Variants in IGF2R observed in about 807,000 individuals in gnomAD.
The protein encoded by IGF2R is cation-independent mannose-6-phosphate receptor.
IGF2R carries 91 observed loss-of-function variants against 270.6 expected under a neutral mutation model. That is an observed-to-expected ratio of 0.34 (90% CI 0.28 to 0.40). IGF2R has a LOEUF of 0.40. Among genes scored for constraint, IGF2R ranks in the 10% least tolerant of loss-of-function variants. IGF2R has a pLI of 1.00. For missense variants in IGF2R, 2,805 were observed against 3,188.3 expected (o/e 0.88, Z 2.90); for synonymous variants, 1,316 against 1,258.9 (o/e 1.05, Z -0.96).
Position 160,050,589 on chromosome 6 carries a change from C to G in IGF2R, c.2631C>G (p.Thr877=), listed in dbSNP as rs756119027. The G allele has an allele frequency of 1.2e-6, 2 of 1,614,116 alleles. No individual in the cohort carries two copies. The highest frequency in any genetic ancestry group is 2.2e-5 in the South Asian group (2 of 91,080). Residue 877 remains threonine, a synonymous_variant, in exon 19 of 48, where the codon ACC becomes ACG. Transcript: ENST00000356956. This position sits in a 1 kb window ranked among gnomAD's most constrained non-coding sequence, Gnocchi z 4.0. ...ACGTGAATGGGTCGGCCTGCACCAC[C>G]AGCGATGGCAGACAGACCACATATA... ...LEYVNGSACT[T]SDGRQTTYTT... is the part of the protein sequence containing the mutation.
At chr6:160,034,575 T>C (rs1562351245) in intron 10 of IGF2R, 53 bp downstream of exon 10, 1 of 1,166,390 alleles carries the variant, frequency 8.6e-7, no homozygotes, top group Non-Finnish European at 1.3e-6. Flanking sequence ...GGGCATGTGC[T>C]TGTGTGTGTG....
At chr6:160,087,862 G>A (rs1358595540) in intron 41 of IGF2R, among the ~76,000 whole-genome samples, 171 bp from the exon 42 acceptor site, 1 of 152,184 alleles carries the variant, frequency 6.6e-6, no homozygotes, top group Non-Finnish European at 1.5e-5. Context: ...TTTTAGTAGA[G>A]ACGGGGTTTC....
rs561706943 is a variant in IGF2R at position 160,007,973 on chromosome 6, G to A, written c.290-1037G>A. On this transcript the variant is annotated intron_variant, in intron 2 of 47. Coordinates refer to ENST00000356956, the MANE Select transcript of IGF2R (RefSeq NM_000876.4). ...TACATCTTTAATCCATTTAGACAGG[G>A]GTGTCCAATCTTTTGGCTTCCCTAG... is the stretch of plus-strand genomic sequence containing the variant. Among the ~76,000 whole-genome samples the A allele has an allele frequency of 1.4e-4, 22 of 152,136 alleles. No homozygotes were observed. The East Asian group carries it at 4.0e-3, about 28-fold the overall frequency.
Position 160,090,098 on chromosome 6 carries a change from T to C in IGF2R, c.6650T>C (p.Leu2217Pro), listed in dbSNP as rs1008983189. The C allele has an allele frequency of 6.7e-7, 1 of 1,485,928 alleles. No homozygotes were observed. The highest frequency in any genetic ancestry group is 9.0e-7 in the Non-Finnish European group (1 of 1,110,630). The allele number at this position is 1,485,928 out of a possible 1,614,324, so 92.0% of individuals were successfully genotyped here. A position where few individuals can be genotyped will look rare whatever the true frequency, so the allele number is the denominator to read the frequency against. ...ACCTCTGACAAGACCAAGTACTACC[T>C]TCAAGGTAATCCGTGGCTTCCCACA... ...VGTSDKTKYY[L>P]QDGDLDVVFA... The change falls in exon 44 of 48, where the codon CTT becomes CCT. Residue 2217 changes from leucine to proline, a missense_variant. This residue lies in a region of IGF2R where 1,851 missense variants were observed against 2,207.2 expected (regional missense o/e 0.84). Transcript: ENST00000356956.
intron 5 of IGF2R, 141 bp from the exon 6 acceptor site, chr6:160,027,044 G>A (rs1583267595): frequency 1.1e-6 from 1 of 881,432 alleles, no homozygotes; most frequent in East Asian, 2.6e-5. Flanking sequence ...AGGGTTAATG[G>A]CTTGCCCAAG....
Position 160,060,736 on chromosome 6 carries a change from AGAACT to A in IGF2R, c.3262+22_3262+26del. The A allele has an allele frequency of 1.2e-6, 2 of 1,613,332 alleles. No individual in the cohort carries two copies. Among genetic ancestry groups the A allele is most frequent in the Non-Finnish European group, 1.7e-6 (2 of 1,179,318 alleles). On this transcript the variant is annotated intron_variant, in intron 23 of 47. Coordinates refer to ENST00000356956, the MANE Select transcript of IGF2R (RefSeq NM_000876.4). ...GTCACCGGTAAGGCCGTGCGGCCTA[AGAACT>A]GAGAGGCCGGTCAAGAGTCAGTGTG... is the stretch of plus-strand genomic sequence containing the variant.
At chr6:160,013,570 T>C (rs1784372669) in intron 4 of IGF2R, among the ~76,000 whole-genome samples, 2 of 152,210 alleles carry the variant, frequency 1.3e-5, no homozygotes, top group African/African-American at 2.4e-5. Flanking sequence ...CTTTGTACTC[T>C]CTTACCTCTT....
At chr6:160,096,661 C>T (rs377521977) in intron 45 of IGF2R, 36 bp downstream of exon 45, 6 of 1,501,260 alleles carry the variant, frequency 4.0e-6, no homozygotes, top group Middle Eastern at 1.7e-4. Flanking sequence ...CACTTGTACC[C>T]CACATCTTCC....
At position 160,072,080 on chromosome 6, in the gene IGF2R, C is replaced by T. The variant is rs370032891; in HGVS notation, c.4570+44C>T. 6.0e-5 allele frequency: 96 copies of T among 1,611,072 alleles called. No individual in the cohort carries two copies. In the African/African-American group the frequency reaches 7.9e-4, roughly 13 times the overall value. ...CGTTAACCCCAGCGCAGGTGAGAGA[C>T]GGTGCCCCCACCAAACCCAGCTCAT... On this transcript the variant is annotated intron_variant, in intron 32 of 47. Coordinates refer to ENST00000356956, the MANE Select transcript of IGF2R (RefSeq NM_000876.4).
At position 160,111,247 on chromosome 6, in the gene IGF2R, T is replaced by C. The variant is rs74996634; in HGVS notation, c.*6163T>C. The C allele has an allele frequency of 6.6e-6, 1 of 151,952 alleles. No homozygotes were observed. Among genetic ancestry groups the C allele is most frequent in the Non-Finnish European group, 1.5e-5 (1 of 67,998 alleles). The allele number at this position is 151,952 out of a possible 1,614,324, so 9.4% of individuals were successfully genotyped here. A position where few individuals can be genotyped will look rare whatever the true frequency, so the allele number is the denominator to read the frequency against. ...GTCCACTTACATGCGGTTTTTTTTT[T>C]CTGTAAAAGTTACACCCGATGCGTC... On this transcript the variant is annotated 3_prime_UTR_variant, in exon 48 of 48. Coordinates refer to ENST00000356956, the MANE Select transcript of IGF2R (RefSeq NM_000876.4).
chr6:159,988,357 T>C (rs1783921673), intron 1 of IGF2R, among the ~76,000 whole-genome samples: 1 of 151,572 alleles, frequency 6.6e-6, no homozygotes, highest in Non-Finnish European at 1.5e-5. Flanking sequence ...CTACTAAAAA[T>C]ACAAAACATT....
At chr6:160,057,423 A>G (rs1445985565) in intron 20 of IGF2R, among the ~76,000 whole-genome samples, 3 of 152,192 alleles carry the variant, frequency 2.0e-5, no homozygotes, top group Non-Finnish European at 4.4e-5. Context: ...GCAGAGACCA[A>G]GGCTTTTCCA....
intron 19 of IGF2R, among the ~76,000 whole-genome samples, chr6:160,055,581 A>G (rs188387448): frequency 4.8e-4 from 73 of 152,058 alleles, no homozygotes; most frequent in Middle Eastern, 6.8e-3. Context: ...TGAGGCCTGG[A>G]GTGGGTGGGG....
rs2114743518 is a variant in IGF2R at position 160,102,076 on chromosome 6, A to C, written c.6843-443A>C. Reference sequence around the variant, plus strand: ...GGCCCCCTGGGCCCCTTTCGTGTGGAGATGGTGTCTCATGGTGGGCTGCGC... The same window carrying C: ...GGCCCCCTGGGCCCCTTTCGTGTGGCGATGGTGTCTCATGGTGGGCTGCGC... On this transcript the variant is annotated intron_variant, in intron 45 of 47. Coordinates refer to ENST00000356956, the MANE Select transcript of IGF2R (RefSeq NM_000876.4). The surrounding 1 kb of genome is among the most constrained non-coding windows in gnomAD (Gnocchi z 4.5). 6.6e-6 allele frequency among the ~76,000 whole-genome samples: 1 copy of C among 152,154 alleles called. No individual in the cohort carries two copies. The highest frequency in any genetic ancestry group is 1.9e-4 in the East Asian group (1 of 5,158).
chr6:159,976,059 T>C (rs1203910610), intron 1 of IGF2R, among the ~76,000 whole-genome samples: 1 of 151,992 alleles, frequency 6.6e-6, no homozygotes, highest in African/African-American at 2.4e-5. Context: ...AGTTTGTATA[T>C]AAGATGGACA....
At chr6:159,973,536 A>G (rs558992048) in intron 1 of IGF2R, among the ~76,000 whole-genome samples, 1 of 152,248 alleles carries the variant, frequency 6.6e-6, no homozygotes, top group East Asian at 1.9e-4. Flanking sequence ...GTCTCTAAGG[A>G]GATTTTTTTT....
chr6:160,028,910 A>G (rs1266016759), intron 6 of IGF2R, among the ~76,000 whole-genome samples: 1 of 151,666 alleles, frequency 6.6e-6, no homozygotes, highest in Non-Finnish European at 1.5e-5. Context: ...CCTTTTTTTA[A>G]AAAAAATAAT....
At chr6:160,071,247 C>A (rs1778726203) in intron 31 of IGF2R, among the ~76,000 whole-genome samples, 1 of 127,190 alleles carries the variant, frequency 7.9e-6, no homozygotes, top group Non-Finnish European at 1.7e-5. Context: ...GTGTCGAGGC[C>A]CCTGTGCCCA....
At chr6:160,070,424 G>A (rs1778693465) in intron 31 of IGF2R, among the ~76,000 whole-genome samples, 1 of 152,178 alleles carries the variant, frequency 6.6e-6, no homozygotes, top group Non-Finnish European at 1.5e-5. Context: ...AGGTAGCGCT[G>A]CCACTTCCCA....
Sources: allele counts gnomAD v4.1 joint callset (sites outside exome capture counted in the v4.1 genomes callset), GRCh38; gene constraint gnomAD v4.1.1; regional missense constraint gnomAD v4.1.1; non-coding constraint Gnocchi (gnomAD v3.1); transcripts MANE v1.5; gene names NCBI Gene and HGNC (gene_info 2026-07-23, HGNC 2026-07-21).